FGF13: variants seen among roughly 807,000 people sequenced by gnomAD.
FGF13 encodes the protein fibroblast growth factor homologous factor 2.
FGF13 carries 2 observed loss-of-function variants against 19.5 expected under a neutral mutation model. The observed-to-expected ratio is 0.10, with a 90% CI of 0.04 to 0.32. FGF13 has a LOEUF of 0.32. Ranked by LOEUF, FGF13 falls within the 10% of genes least tolerant of loss-of-function variation. The pLI is 1.00. For missense variants in FGF13, 113 were observed against 192.7 expected (o/e 0.59, Z 2.45); for synonymous variants, 72 against 76.9 (o/e 0.94, Z 0.33).
intron 1 of FGF13, among the ~76,000 whole-genome samples, chrX:139,077,895 G>A (rs1569450755): frequency 8.9e-6 from 1 of 111,813 alleles, no homozygotes; most frequent in Non-Finnish European, 1.9e-5. Flanking sequence ...GATGAGGCTA[G>A]GAGAAAATAA....
At chrX:139,204,299 G>C, upstream of FGF13, 3 of 387,558 alleles carry the variant, frequency 7.7e-6, no homozygotes, top group South Asian at 1.1e-4. Flanking sequence ...GGAAAGGAAA[G>C]GGGTGAAGGA....
At chrX:138,725,322 T>C (rs1205598151) in intron 1 of FGF13, among the ~76,000 whole-genome samples, 1 of 111,287 alleles carries the variant, frequency 9.0e-6, no homozygotes, top group Non-Finnish European at 1.9e-5. Context: ...GGGACCATCT[T>C]GAGTACACGA....
intron 1 of FGF13, among the ~76,000 whole-genome samples, chrX:138,963,022 C>T (rs2124306739): frequency 8.9e-6 from 1 of 112,098 alleles, no homozygotes; most frequent in South Asian, 3.7e-4. Context: ...AAAAAAAGTG[C>T]AGCCATCAGA....
At chrX:139,079,677 G>A (rs1209299709) in intron 1 of FGF13, among the ~76,000 whole-genome samples, 1 of 111,315 alleles carries the variant, frequency 9.0e-6, no homozygotes, top group Non-Finnish European at 1.9e-5. Flanking sequence ...AAGGGATAGG[G>A]AGATGGACAA....
chrX:138,889,916 AC>A (rs1190962330), intron 1 of FGF13, among the ~76,000 whole-genome samples: 1 of 105,503 alleles, frequency 9.5e-6, no homozygotes, highest in Non-Finnish European at 1.9e-5. Flanking sequence ...ATGTTACCCA[AC>A]CTCTCCCTTT....
At chrX:139,068,497 A>G (rs1484092282) in intron 1 of FGF13, among the ~76,000 whole-genome samples, 2 of 107,128 alleles carry the variant, frequency 1.9e-5, no homozygotes, top group African/African-American at 3.5e-5. Flanking sequence ...ATGAACTTTA[A>G]AGTAGTTTTT....
chrX:138,939,822 A>T (rs183039181), intron 1 of FGF13, among the ~76,000 whole-genome samples: 3,621 of 111,850 alleles, frequency 0.032, 159 homozygotes, highest in African/African-American at 0.11. Context: ...TCTACCACTG[A>T]TGGGCATTTA....
Position 139,191,383 on chromosome X carries a change from C to T in FGF13, c.-113+12033G>A, listed in dbSNP as rs148827683. ...CTGCATGCTGCCCTTTAAAGACATG[C>T]TCTTTGTGCCAGAAATTCAAAGGTT... On this transcript the variant is annotated intron_variant, in intron 1 of 2. Transcript: ENST00000421460. Among the ~76,000 whole-genome samples, 783 of 111,921 alleles carry T rather than the reference C, an allele frequency of 7.0e-3. 3 individuals are homozygous for T. Among genetic ancestry groups the T allele is most frequent in the Non-Finnish European group, 0.01 (542 of 53,194 alleles).
chrX:138,747,626 G>A (rs1468102349), intron 3 of FGF13, among the ~76,000 whole-genome samples: 2 of 111,703 alleles, frequency 1.8e-5, no homozygotes, highest in Non-Finnish European at 3.8e-5. Context: ...CACTTCAAGG[G>A]CACGCCAGGC....
intron 1 of FGF13, among the ~76,000 whole-genome samples, chrX:138,934,827 T>C (rs1388048488): frequency 9.0e-6 from 1 of 111,534 alleles, no homozygotes; most frequent in Non-Finnish European, 1.9e-5. Context: ...CAGTAGTCAT[T>C]AGCCATATAT....
intron 1 of FGF13, among the ~76,000 whole-genome samples, chrX:139,136,843 G>A (rs1454748865): frequency 9.0e-6 from 1 of 111,642 alleles, no homozygotes; most frequent in African/African-American, 3.3e-5. Flanking sequence ...GCAGGTGTTT[G>A]GTAAAAATGA....
chrX:139,021,153 A>C (rs1160158963), intron 1 of FGF13, among the ~76,000 whole-genome samples: 5 of 111,527 alleles, frequency 4.5e-5, no homozygotes, highest in Non-Finnish European at 9.4e-5. Flanking sequence ...ATGTATAAAT[A>C]AAAGAAGCCA....
At chrX:138,743,759 C>T (rs775404830), upstream of FGF13, among the ~76,000 whole-genome samples, 5 of 111,655 alleles carry the variant, frequency 4.5e-5, no homozygotes, top group African/African-American at 1.6e-4. Context: ...CTCTGATCTT[C>T]ACGACAACCC....
chrX:138,895,704 C>T (rs111447473), intron 1 of FGF13, among the ~76,000 whole-genome samples: 127 of 111,718 alleles, frequency 1.1e-3, no homozygotes, highest in African/African-American at 3.9e-3. Flanking sequence ...ATCTTCAGTC[C>T]CAAGTTCATT....
At position 139,001,943 on chromosome X, in the gene FGF13, T is replaced by C. The variant is rs756638856; in HGVS notation, c.-112-137293A>G. Among the ~76,000 whole-genome samples the C allele has an allele frequency of 2.7e-5, 3 of 111,855 alleles. No individual in the cohort carries two copies. In the South Asian group the frequency reaches 1.1e-3, roughly 42 times the overall value. ...AGCAAAGTCTTGGAACCAACCCAAA[T>C]GCCCATCAATGATAGACTGGATAAA... is the stretch of plus-strand genomic sequence containing the variant. On this transcript the variant is annotated intron_variant, in intron 1 of 2. Transcript: ENST00000421460.
intron 1 of FGF13, among the ~76,000 whole-genome samples, chrX:138,939,881 C>A (rs1196192366): frequency 8.9e-6 from 1 of 111,741 alleles, no homozygotes; most frequent in Non-Finnish European, 1.9e-5. Flanking sequence ...AATAAACATA[C>A]ACATGCGTGT....
rs181649947 is a variant in FGF13, at chrX:138,871,534, G to A, written c.-112-6884C>T. On this transcript the variant is annotated intron_variant, in intron 1 of 2. Transcript: ENST00000421460. ...AAATTGCTGCTAGATCCACCTAAGTGAGAAATAACTATTTATGAGTTAAGT... is the reference window on the plus strand; with the variant it reads ...AAATTGCTGCTAGATCCACCTAAGTAAGAAATAACTATTTATGAGTTAAGT... Among the ~76,000 whole-genome samples the A allele has an allele frequency of 3.6e-5, 4 of 112,309 alleles. No homozygotes were observed. In the East Asian group the frequency reaches 8.4e-4, roughly 24 times the overall value.
At chrX:138,887,966 T>TC (rs1322918484) in intron 1 of FGF13, among the ~76,000 whole-genome samples, 1 of 112,149 alleles carries the variant, frequency 8.9e-6, no homozygotes, top group Non-Finnish European at 1.9e-5. Context: ...AAAGGCCCTT[T>TC]CTCTCCTCAG....
In FGF13 at chrX:138,862,407, CCAAT is replaced by C. The variant is rs373946588; in HGVS notation, c.-39+2166_-39+2169del. Among the ~76,000 whole-genome samples the C allele has an allele frequency of 2.6e-3, 297 of 112,111 alleles. 1 individual carries two copies. Among genetic ancestry groups the C allele is most frequent in the African/African-American group, 9.3e-3 (287 of 30,884 alleles). On this transcript the variant is annotated intron_variant, in intron 2 of 2. Coordinates refer to the FGF13 transcript ENST00000421460. ...AGCAATGTAGACAGCAATGGGACTA[CCAAT>C]CAAAATTATTAGACACATATTAGTG...
Sources: gnomAD v4.1 joint callset for allele counts (sites outside exome capture counted in the v4.1 genomes callset) on GRCh38, gnomAD v4.1.1 for gene constraint, MANE v1.5 for transcripts, NCBI Gene and HGNC (gene_info 2026-07-23, HGNC 2026-07-21) for gene names.